Variants in ANKRD12 observed in about 807,000 individuals in gnomAD.
ANKRD12 encodes ankyrin repeat domain 12, also known as ankyrin repeat domain-containing protein 12.
In ANKRD12, 85 loss-of-function variants were observed where a neutral mutation model predicts 183.4. The ratio of observed to expected loss-of-function variants is 0.46; its 90% confidence interval spans 0.39 to 0.56. ANKRD12 has a LOEUF of 0.56. Among genes scored for constraint, ANKRD12 ranks in the 20% least tolerant of loss-of-function variants. The pLI, the probability that ANKRD12 is intolerant of heterozygous loss-of-function variation, is 0.00. For missense variants in ANKRD12, 2,405 were observed against 2,357.1 expected, an observed-to-expected ratio of 1.02 and a Z score of -0.42; for synonymous variants, 914 against 800.2, an observed-to-expected ratio of 1.14 and a Z score of -2.40.
intron 2 of ANKRD12, among the ~76,000 whole-genome samples, chr18:9,186,136 G>GTTTTTTTTTTTTTTTTTTTTTTTT (rs1280812557): frequency 4.9e-5 from 7 of 141,894 alleles, no homozygotes; most frequent in Non-Finnish European, 1.1e-4. Context: ...CTAAAAGTGT[G>GTTTTTTTTTTTTTTTTTTTTTTTT]ATTTTTTTTT....
intron 8 of ANKRD12, among the ~76,000 whole-genome samples, chr18:9,222,372 C>T (rs1006804341): frequency 3.9e-5 from 6 of 151,978 alleles, no homozygotes; most frequent in African/African-American, 7.2e-5. Flanking sequence ...TGTCTTTTTC[C>T]GGTGTCCTGG....
rs1480979944 is a variant in ANKRD12 at position 9,221,953 on chromosome 18, A to G, written c.897A>G (p.Leu299=). 12 of 1,614,070 alleles carry G rather than the reference A, an allele frequency of 7.4e-6. No individual in the cohort carries two copies. The South Asian group carries it at 9.9e-5, about 13-fold the overall frequency. The stretch of plus-strand genomic sequence containing the variant: ...CAGAAACAGAGGAGTTGGAGTTGCT[A>G]CTAAAAAGAGAGGTGCCTTTATCTG... ...DVAETEELEL[L]LKREVPLSDD... is the part of the protein sequence containing the mutation. Residue 299 remains leucine, a synonymous_variant, in exon 8 of 13, where the codon CTA becomes CTG. Coordinates refer to ENST00000262126, the MANE Select transcript of ANKRD12 (RefSeq NM_015208.5).
intron 7 of ANKRD12, among the ~76,000 whole-genome samples, chr18:9,221,374 T>G (rs1380040523): frequency 6.6e-6 from 1 of 152,136 alleles, no homozygotes; most frequent in Non-Finnish European, 1.5e-5. Context: ...ATACTTAAAA[T>G]TCCTGGGCTA....
chr18:9,140,313 A>T (rs1224894162), intron 1 of ANKRD12, among the ~76,000 whole-genome samples: 1 of 152,160 alleles, frequency 6.6e-6, no homozygotes, highest in Non-Finnish European at 1.5e-5. Context: ...ATTTTTGCGT[A>T]GCCCTACCTT....
At chr18:9,141,577 C>T (rs2078316872) in intron 1 of ANKRD12, among the ~76,000 whole-genome samples, 1 of 152,064 alleles carries the variant, frequency 6.6e-6, no homozygotes, top group Non-Finnish European at 1.5e-5. Context: ...GAGATGCTTC[C>T]AACTTAAAGG....
At chr18:9,263,024 C>A (rs2039070991) in intron 9 of ANKRD12, among the ~76,000 whole-genome samples, 2 of 152,004 alleles carry the variant, frequency 1.3e-5, no homozygotes, top group Non-Finnish European at 2.9e-5. Context: ...TCTCGAACTA[C>A]TAACCTCGTG....
chr18:9,209,375 A>G (rs977743619), intron 5 of ANKRD12, among the ~76,000 whole-genome samples: 2 of 152,200 alleles, frequency 1.3e-5, no homozygotes, highest in Non-Finnish European at 1.5e-5. Context: ...TGACTGATTC[A>G]AGAAAGTAAA....
At chr18:9,164,197 C>T (rs1416829797) in intron 1 of ANKRD12, among the ~76,000 whole-genome samples, 2 of 152,100 alleles carry the variant, frequency 1.3e-5, no homozygotes, top group East Asian at 3.9e-4. Context: ...TATGTTCCTT[C>T]AGTCCCTAGT....
chr18:9,168,604 T>A (rs911128302), intron 1 of ANKRD12, among the ~76,000 whole-genome samples: 1 of 152,016 alleles, frequency 6.6e-6, no homozygotes, highest in Non-Finnish European at 1.5e-5. Flanking sequence ...TTTGATTCTT[T>A]TCTCTTTTCT....
In ANKRD12 at chr18:9,258,597, A is replaced by G. The variant is rs1021053616; in HGVS notation, c.5330A>G (p.Asp1777Gly). Residue 1777 changes from aspartate (D) to glycine (G), a missense_variant, in exon 9 of 13, where the codon GAC becomes GGC. Transcript: ENST00000262126. Reference protein sequence around the residue: ...PRGRIRLTEDDDPQIHHPRKR... With the variant: ...PRGRIRLTEDGDPQIHHPRKR... ...GGAAGAATAAGATTAACTGAAGATG[A>G]CGATCCTCAAATTCACCATCCACGG... The G allele has an allele frequency of 1.9e-6, 3 of 1,613,912 alleles. No homozygotes were observed. The highest frequency in any genetic ancestry group is 1.7e-5 in the Admixed American group (1 of 59,942).
intron 1 of ANKRD12, among the ~76,000 whole-genome samples, chr18:9,160,459 C>T (rs2031250304): frequency 6.6e-6 from 1 of 152,172 alleles, no homozygotes; most frequent in African/African-American, 2.4e-5. Flanking sequence ...AGTATATTCA[C>T]AGTGATGTGC....
intron 1 of ANKRD12, among the ~76,000 whole-genome samples, chr18:9,141,213 GCT>G (rs1352487246): frequency 6.6e-5 from 4 of 60,592 alleles, no homozygotes; most frequent in African/African-American, 2.0e-4. Context: ...TATACTTGTT[GCT>G]GTGGTGGTGG....
intron 8 of ANKRD12, among the ~76,000 whole-genome samples, chr18:9,242,854 T>G (rs2037741402): frequency 6.6e-6 from 1 of 152,190 alleles, no homozygotes; most frequent in African/African-American, 2.4e-5. Context: ...CTGTAATCTC[T>G]TACCAATATG....
chr18:9,209,345 T>C (rs2035654724), intron 5 of ANKRD12, among the ~76,000 whole-genome samples: 1 of 152,220 alleles, frequency 6.6e-6, no homozygotes, highest in African/African-American at 2.4e-5. Context: ...AAGAAAATTT[T>C]TGAGTTACAT....
At chr18:9,181,684 A>G (rs2033710055) in intron 1 of ANKRD12, among the ~76,000 whole-genome samples, 1 of 152,228 alleles carries the variant, frequency 6.6e-6, no homozygotes. Context: ...GTAGCCTCAT[A>G]GGTTCCTCTT....
At chr18:9,262,786 CCTTTTTTTTTTTTT>C (rs1410673736) in intron 9 of ANKRD12, among the ~76,000 whole-genome samples, 7 of 87,932 alleles carry the variant, frequency 8.0e-5, no homozygotes, top group Non-Finnish European at 1.6e-4. Flanking sequence ...CCAAGATGTC[CCTTTTTTTTTTTTT>C]TTTTTTTTTT....
At chr18:9,224,457 A>G (rs905704434) in intron 8 of ANKRD12, among the ~76,000 whole-genome samples, 25 of 152,160 alleles carry the variant, frequency 1.6e-4, no homozygotes, top group Admixed American at 3.9e-4. Flanking sequence ...AGGGAAGACT[A>G]TAACTAGAAA....
intron 1 of ANKRD12, among the ~76,000 whole-genome samples, chr18:9,151,556 C>T (rs775946544): frequency 4.6e-5 from 7 of 151,932 alleles, no homozygotes; most frequent in African/African-American, 7.3e-5. Flanking sequence ...TTGGACCTCA[C>T]GCTCCCAGAT....
intron 8 of ANKRD12, among the ~76,000 whole-genome samples, chr18:9,243,473 A>G (rs569522905): frequency 6.6e-6 from 1 of 152,222 alleles, no homozygotes; most frequent in Non-Finnish European, 1.5e-5. Flanking sequence ...AAGGGACAGC[A>G]TGAACAAACA....
Sources: gnomAD v4.1 joint callset for allele counts (sites outside exome capture counted in the v4.1 genomes callset) on GRCh38, gnomAD v4.1.1 for gene constraint, MANE v1.5 for transcripts, NCBI Gene and HGNC (gene_info 2026-07-23, HGNC 2026-07-21) for gene names.